LARGE1: variants seen among roughly 807,000 people sequenced by gnomAD.
LARGE1 encodes xylosyl- and glucuronyltransferase LARGE1.
A neutral mutation model predicts 87.6 loss-of-function variants in LARGE1; 43 were observed. The ratio of observed to expected loss-of-function variants is 0.49; its 90% CI spans 0.38 to 0.63. The LOEUF (loss-of-function observed/expected upper bound fraction) is 0.63. Among genes scored for constraint, LARGE1 ranks in the 30% least tolerant of loss-of-function variants. The pLI is 0.00. For missense variants in LARGE1, 802 were observed against 1,000.2 expected, an observed-to-expected ratio of 0.80 and a Z score of 2.67; for synonymous variants, 434 against 394.6, an observed-to-expected ratio of 1.10 and a Z score of -1.18.
At chr22:33,291,146 G>A (rs926665952) in intron 12 of LARGE1, among the ~76,000 whole-genome samples, 5 of 152,134 alleles carry the variant, frequency 3.3e-5, no homozygotes, top group Admixed American at 2.6e-4. Flanking sequence ...TCACAACGCT[G>A]GCCAATTTAG....
At chr22:33,501,548 G>T (rs1024429148) in intron 6 of LARGE1, among the ~76,000 whole-genome samples, 1 of 152,190 alleles carries the variant, frequency 6.6e-6, no homozygotes, top group Admixed American at 6.5e-5. Flanking sequence ...GGCAGCCCTC[G>T]ATTCTGATCT....
At chr22:33,867,230 G>T (rs2064131909) in intron 1 of LARGE1, among the ~76,000 whole-genome samples, 1 of 152,188 alleles carries the variant, frequency 6.6e-6, no homozygotes, top group South Asian at 2.1e-4. Context: ...TCATAAAGCA[G>T]TCTGTAAACA....
At chr22:33,478,566 G>C (rs2069177138) in intron 6 of LARGE1, among the ~76,000 whole-genome samples, 1 of 152,204 alleles carries the variant, frequency 6.6e-6, no homozygotes, top group South Asian at 2.1e-4. Context: ...AAACAGATTT[G>C]TTTGGGAACT....
At chr22:33,677,997 G>T (rs557057507) in intron 2 of LARGE1, among the ~76,000 whole-genome samples, 4 of 152,316 alleles carry the variant, frequency 2.6e-5, no homozygotes, top group African/African-American at 7.2e-5. Context: ...GGAAAAGTGA[G>T]AAGACGATTG....
At chr22:33,623,811 A>C (rs2079833106) in intron 4 of LARGE1, among the ~76,000 whole-genome samples, 1 of 151,812 alleles carries the variant, frequency 6.6e-6, no homozygotes, top group Non-Finnish European at 1.5e-5. Context: ...TGGGTGGATC[A>C]CCTGAGGTCA....
intron 2 of LARGE1, among the ~76,000 whole-genome samples, chr22:33,745,415 G>A (rs1453434387): frequency 6.6e-6 from 1 of 152,104 alleles, no homozygotes; most frequent in Non-Finnish European, 1.5e-5. Flanking sequence ...CGTGGGTGAG[G>A]TGCTCGTCTC....
chr22:33,339,164 A>T (rs55636706), intron 9 of LARGE1, among the ~76,000 whole-genome samples: 4,079 of 151,590 alleles, frequency 0.027, 191 homozygotes, highest in African/African-American at 0.094. Flanking sequence ...TAAAAAAAAA[A>T]AAAAAAAAAG....
At chr22:33,474,274 C>T (rs2068978890) in intron 6 of LARGE1, among the ~76,000 whole-genome samples, 2 of 152,186 alleles carry the variant, frequency 1.3e-5, no homozygotes, top group African/African-American at 4.8e-5. Context: ...AGTGATTCTC[C>T]TGCCTCAGCC....
chr22:33,762,850 A>G lies in LARGE1; in HGVS notation c.-82-1292T>C, dbSNP rs116939978. Among the ~76,000 whole-genome samples, 343 of 152,362 alleles carry G rather than the reference A, an allele frequency of 2.3e-3. 10 individuals are homozygous for G. The East Asian group carries it at 0.046, about 20-fold the overall frequency. ...CTACCCACCTCCTGACATAGGTGTC[A>G]CGCTGACTATAGGTGGAAAGAAAGA... On this transcript the variant is annotated intron_variant, in intron 1 of 14. Coordinates refer to ENST00000397394, the MANE Select transcript of LARGE1 (RefSeq NM_133642.5).
chr22:33,257,597 C>T (rs1446589092), intron 11 of LARGE1, among the ~76,000 whole-genome samples: 1 of 152,114 alleles, frequency 6.6e-6, no homozygotes, highest in Non-Finnish European at 1.5e-5. Context: ...CCAGAGGACA[C>T]AGAAAGCCTT....
intron 6 of LARGE1, among the ~76,000 whole-genome samples, chr22:33,477,536 A>G (rs2148167541): frequency 6.6e-6 from 1 of 152,234 alleles, no homozygotes; most frequent in Admixed American, 6.5e-5. Context: ...ATGTCCAAGA[A>G]AAGTAGTAAA....
intron 9 of LARGE1, among the ~76,000 whole-genome samples, chr22:33,372,774 TA>T (rs1229824102): frequency 1.3e-5 from 2 of 152,148 alleles, no homozygotes; most frequent in African/African-American, 2.4e-5. Context: ...TTACAAGGCA[TA>T]AAAATATGTT....
intron 2 of LARGE1, among the ~76,000 whole-genome samples, chr22:33,718,884 A>T (rs2082992213): frequency 6.6e-6 from 1 of 152,174 alleles, no homozygotes; most frequent in Non-Finnish European, 1.5e-5. Flanking sequence ...TCCACCTCCC[A>T]GGTTCAAGCG....
At chr22:33,241,625 T>C in intron 11 of LARGE1, among the ~76,000 whole-genome samples, 1 of 151,988 alleles carries the variant, frequency 6.6e-6, no homozygotes, top group Non-Finnish European at 1.5e-5. Flanking sequence ...TATGTACATA[T>C]ATGTATATAT....
At chr22:33,515,513 T>G (rs2071263009) in intron 6 of LARGE1, among the ~76,000 whole-genome samples, 1 of 152,174 alleles carries the variant, frequency 6.6e-6, no homozygotes, top group South Asian at 2.1e-4. Flanking sequence ...ATGAATGAAC[T>G]CATTTTCACA....
intron 2 of LARGE1, among the ~76,000 whole-genome samples, chr22:33,703,735 A>C (rs1463564956): frequency 6.6e-6 from 1 of 152,236 alleles, no homozygotes; most frequent in Non-Finnish European, 1.5e-5. Context: ...TCTCCCTCAG[A>C]GCTTCCAGAA....
intron 9 of LARGE1, among the ~76,000 whole-genome samples, chr22:33,375,538 A>G (rs542022886): frequency 6.6e-6 from 1 of 152,206 alleles, no homozygotes; most frequent in Admixed American, 6.6e-5. Context: ...AATGGCAACA[A>G]TTGGTTATAT....
intron 1 of LARGE1, among the ~76,000 whole-genome samples, chr22:33,799,462 A>G (rs1383205226): frequency 1.3e-5 from 2 of 151,876 alleles, no homozygotes; most frequent in Non-Finnish European, 2.9e-5. Flanking sequence ...TTTTTTGAGA[A>G]GTTGTTTTGC....
At chr22:33,128,680 C>CAA in the LARGE1 span, among the ~76,000 whole-genome samples, 1,914 of 110,200 alleles carry the variant, frequency 0.017, 24 homozygotes, top group Admixed American at 0.05. Context: ...GTCTCAAAAA[C>CAA]AAAAAAAAAA....
Sources: allele counts gnomAD v4.1 joint callset (sites outside exome capture counted in the v4.1 genomes callset), GRCh38; gene constraint gnomAD v4.1.1; transcripts MANE v1.5; gene names NCBI Gene and HGNC (gene_info 2026-07-23, HGNC 2026-07-21).